The following PAX9 variants were observed in gnomAD, a reference collection of about 807,000 sequenced individuals.
The protein encoded by PAX9 is paired box protein Pax-9.
A neutral mutation model predicts 29.1 loss-of-function variants in PAX9; 6 were observed. The ratio of observed to expected loss-of-function variants is 0.21; its 90% CI spans 0.11 to 0.41. The LOEUF is 0.41. Among genes scored for constraint, PAX9 ranks in the 10% least tolerant of loss-of-function variants. PAX9 has a pLI of 1.00. For missense variants in PAX9, 443 were observed against 479.1 expected, an observed-to-expected ratio of 0.92 and a Z score of 0.70; for synonymous variants, 217 against 211.7, an observed-to-expected ratio of 1.03 and a Z score of -0.22.
chr14:36,668,538 G>T (rs1217185921), intron 3 of PAX9, among the ~76,000 whole-genome samples: 3 of 152,076 alleles, frequency 2.0e-5, no homozygotes, highest in Non-Finnish European at 2.9e-5. Flanking sequence ...ACAGGCACGC[G>T]CCGCCACACC....
At chr14:36,666,664 C>G (rs1566471680) in intron 3 of PAX9, 63 bp downstream of exon 3, 2 of 1,535,490 alleles carry the variant, frequency 1.3e-6, no homozygotes, top group Non-Finnish European at 1.8e-6. Flanking sequence ...CGATGGAACA[C>G]TTTGTGATGG....
Position 36,674,098 on chromosome 14 carries a change from T to G in PAX9, c.772-2100T>G, listed in dbSNP as rs187019470. Reference sequence around the variant, plus strand: ...CTATAATCTCTATGCAAAACTAGATTTTTTCCCCTGTAATTTGATAGTTCT... The same window carrying G: ...CTATAATCTCTATGCAAAACTAGATGTTTTCCCCTGTAATTTGATAGTTCT... On this transcript the variant is annotated intron_variant, in intron 3 of 3. Transcript: ENST00000361487. 2.4e-3 allele frequency among the ~76,000 whole-genome samples: 371 copies of G among 152,336 alleles called. 1 individual carries two copies. The highest frequency in any genetic ancestry group is 4.1e-3 in the Admixed American group (63 of 15,306).
At chr14:36,666,689 T>G (rs770542362) in intron 3 of PAX9, 88 bp downstream of exon 3, 17 of 1,480,848 alleles carry the variant, frequency 1.1e-5, no homozygotes, top group Non-Finnish European at 1.6e-5. Flanking sequence ...CTTTCTGAGC[T>G]TCCCGCGAGA....
At position 36,663,414 on chromosome 14, in the gene PAX9, C is replaced by G; in HGVS notation, c.522C>G (p.Pro174=). The part of the protein sequence containing the change: ...SPITAAAAKV[P]TPPGVPAIPG... ...TCACGGCGGCGGCCGCCAAGGTGCC[C>G]ACGCCACCCGGGGTGCCTGCCATCC... The change falls in exon 2 of 4, where the codon CCC becomes CCG. Residue 174 remains proline (P), a synonymous_variant. Coordinates refer to ENST00000361487, the MANE Select transcript of PAX9 (RefSeq NM_001372076.1). 4 of 1,613,126 alleles carry G rather than the reference C, an allele frequency of 2.5e-6. No individual in the cohort carries two copies. Among genetic ancestry groups the G allele is most frequent in the Non-Finnish European group, 3.4e-6 (4 of 1,179,760 alleles).
In PAX9 at chr14:36,677,670, T is replaced by C. The variant is rs570248545; in HGVS notation, c.*1218T>C. 2.0e-5 allele frequency: 3 copies of C among 152,240 alleles called. No individual in the cohort carries two copies. Among genetic ancestry groups the C allele is most frequent in the East Asian group, 1.9e-4 (1 of 5,190 alleles). 9.4% of individuals were successfully genotyped at this position (152,240 alleles called of 1,614,324 possible). The stretch of plus-strand genomic sequence containing the variant: ...TAATGAATGTAACAATGGCTTGCTG[T>C]GAAGTTTACATTGTTGTACAGAAGC... On this transcript the variant is annotated 3_prime_UTR_variant, in exon 4 of 4. Transcript: ENST00000361487.
upstream of PAX9, among the ~76,000 whole-genome samples, chr14:36,659,502 CG>C (rs1273386821): frequency 6.6e-6 from 1 of 152,178 alleles, no homozygotes; most frequent in East Asian, 1.9e-4. Flanking sequence ...TTCGGCTTGC[CG>C]CGGATACTTA....
At chr14:36,662,166 G>GCGAGC in intron 1 of PAX9, 73 bp downstream of exon 1, 1 of 1,178,078 alleles carries the variant, frequency 8.5e-7, no homozygotes, top group South Asian at 1.6e-5. Flanking sequence ...GAGGGAGGGA[G>GCGAGC]GGAGGGAGCG....
chr14:36,658,616 G>T (rs1374723157), upstream of PAX9: 1 of 152,282 alleles, frequency 6.6e-6, no homozygotes, highest in Non-Finnish European at 1.5e-5. Context: ...CTCGCGTTCC[G>T]CACAACCTGT....
intron 2 of PAX9, chr14:36,665,933 T>C (rs1295554385): frequency 1.3e-5 from 2 of 158,584 alleles, no homozygotes; most frequent in Non-Finnish European, 2.8e-5. Context: ...CAAAGGACAG[T>C]GCAGGTCTTT....
rs566060700 is a variant in PAX9 at position 36,676,476 on chromosome 14, T to A, written c.*24T>A. On this transcript the variant is annotated 3_prime_UTR_variant, in exon 4 of 4. Transcript: ENST00000361487. ...GATGGGAAATTCCGTCTCCAGCAGC[T>A]TCACCCGGGTCTCCCTGTCTCAGCA... is the stretch of plus-strand genomic sequence containing the variant. The A allele has an allele frequency of 3.7e-6, 6 of 1,608,746 alleles. No individual in the cohort carries two copies. The African/African-American group carries it at 6.7e-5, about 18-fold the overall frequency.
intron 3 of PAX9, among the ~76,000 whole-genome samples, chr14:36,674,624 A>G (rs1375039921): frequency 1.3e-5 from 2 of 152,238 alleles, no homozygotes. Flanking sequence ...TAATTATGAT[A>G]AACTCAATCA....
At chr14:36,660,138 G>A (rs560374789), upstream of PAX9, among the ~76,000 whole-genome samples, 162 of 152,234 alleles carry the variant, frequency 1.1e-3, no homozygotes, top group African/African-American at 3.9e-3. Flanking sequence ...GCTCCCCTAC[G>A]ATGCGGCAAA....
At chr14:36,676,172 TTTC>T in intron 3 of PAX9, 23 bp from the exon 4 acceptor site, 2 of 1,613,636 alleles carry the variant, frequency 1.2e-6, no homozygotes, top group East Asian at 2.2e-5. Context: ...TGTGATTATT[TTTC>T]ACTTCTTTTC....
At position 36,663,564 on chromosome 14, in the gene PAX9, G is replaced by A. The variant is rs2236007; in HGVS notation, c.631+41G>A. 0.2 allele frequency: 318,811 copies of A among 1,609,186 alleles called. 33,339 individuals carry two copies. The highest frequency in any genetic ancestry group is 0.28 in the East Asian group (12,345 of 44,744). On this transcript the variant is annotated intron_variant, in intron 2 of 3. Coordinates refer to ENST00000361487, the MANE Select transcript of PAX9 (RefSeq NM_001372076.1). Reference sequence around the variant, plus strand: ...CTGGGCGTGTGGATGTGCAGCGTCTGCCCCCGCACTCTCGCGGAGGTCCCA... The same window carrying A: ...CTGGGCGTGTGGATGTGCAGCGTCTACCCCCGCACTCTCGCGGAGGTCCCA...
chr14:36,674,352 T>G (rs1881805272), intron 3 of PAX9, among the ~76,000 whole-genome samples: 1 of 152,246 alleles, frequency 6.6e-6, no homozygotes. Flanking sequence ...CAGTATGATA[T>G]GCTACAGAGG....
chr14:36,673,054 CG>C (rs1055850190), intron 3 of PAX9, among the ~76,000 whole-genome samples: 62 of 151,118 alleles, frequency 4.1e-4, no homozygotes, highest in African/African-American at 1.4e-3. Flanking sequence ...TTAGTAGAGA[CG>C]GGGTTTCACT....
intron 3 of PAX9, among the ~76,000 whole-genome samples, chr14:36,670,829 C>G (rs1881670554): frequency 6.6e-6 from 1 of 151,936 alleles, no homozygotes; most frequent in African/African-American, 2.4e-5. Context: ...TTTAGAAAAG[C>G]TTTTAAATAG....
chr14:36,666,043 C>G (rs531346623), intron 2 of PAX9: 32 of 191,370 alleles, frequency 1.7e-4, no homozygotes, highest in Non-Finnish European at 3.3e-4. Context: ...TCAGCCAGCC[C>G]CACTGCCAAA....
intron 3 of PAX9, chr14:36,671,173 G>A (rs1881681432): frequency 3.0e-6 from 1 of 338,556 alleles, no homozygotes; most frequent in Non-Finnish European, 5.8e-6. Flanking sequence ...AGAGGACCAG[G>A]TTGAACTGAT....
Sources: gnomAD v4.1 joint callset for allele counts (sites outside exome capture counted in the v4.1 genomes callset) on GRCh38, gnomAD v4.1.1 for gene constraint, MANE v1.5 for transcripts, NCBI Gene and HGNC (gene_info 2026-07-23, HGNC 2026-07-21) for gene names.